The following LPA variants were observed in gnomAD, a reference collection of about 807,000 sequenced individuals.
The protein encoded by LPA is apolipoprotein(a).
In LPA, 199 loss-of-function variants were observed where a neutral mutation model predicts 197.9. The ratio of observed to expected loss-of-function variants is 1.01; its 90% CI spans 0.90 to 1.13. LPA has a LOEUF of 1.13. Among genes scored for constraint, LPA ranks in the 50% most tolerant of loss-of-function variants. The pLI is 0.00. For synonymous variants in LPA, 715 were observed against 639.5 expected, an observed-to-expected ratio of 1.12 and a Z score of -1.78; for missense variants, 1,853 against 1,785.8, an observed-to-expected ratio of 1.04 and a Z score of -0.68.
At chr6:160,576,728 A>AT (rs540460722) in intron 28 of LPA, among the ~76,000 whole-genome samples, 33 of 115,180 alleles carry the variant, frequency 2.9e-4, no homozygotes, top group African/African-American at 4.2e-4. Flanking sequence ...ACACATCTTA[A>AT]TTTTTTTTTT....
chr6:160,540,945 A>G (rs1030312441), intron 35 of LPA, among the ~76,000 whole-genome samples, 162 bp downstream of exon 35: 4 of 152,046 alleles, frequency 2.6e-5, no homozygotes, highest in Non-Finnish European at 4.4e-5. Context: ...ATTCTGCCTC[A>G]GGATTCTGCA....
intron 26 of LPA, among the ~76,000 whole-genome samples, chr6:160,582,277 T>A (rs886972371): frequency 2.0e-5 from 3 of 151,968 alleles, no homozygotes; most frequent in African/African-American, 7.2e-5. Context: ...TTCTTACTAC[T>A]CTAAAGGTGT....
chr6:160,545,753 GT>G (rs1778059156), intron 32 of LPA, among the ~76,000 whole-genome samples: 1 of 152,082 alleles, frequency 6.6e-6, no homozygotes, highest in South Asian at 2.1e-4. Flanking sequence ...CTTAACCAGG[GT>G]GTGGTGACCC....
At chr6:160,569,510 A>G (rs1351648165) in intron 28 of LPA, among the ~76,000 whole-genome samples, 2 of 152,220 alleles carry the variant, frequency 1.3e-5, no homozygotes, top group Non-Finnish European at 2.9e-5. Flanking sequence ...TAAATGTTAG[A>G]CCTAAAACCA....
At chr6:160,589,769 G>T in intron 23 of LPA, 57 bp from the exon 24 acceptor site, 2 of 1,596,666 alleles carry the variant, frequency 1.3e-6, no homozygotes, top group Non-Finnish European at 8.6e-7. Flanking sequence ...AGAAGCATGA[G>T]AAAAAAAATC....
chr6:160,578,790 G>A (rs1203707678), intron 26 of LPA, 86 bp from the exon 27 acceptor site: 3 of 1,580,558 alleles, frequency 1.9e-6, no homozygotes, highest in South Asian at 1.1e-5. Context: ...CTGTAACAAA[G>A]TGTTAACAAG....
chr6:160,590,805 A>G, intron 23 of LPA, 139 bp downstream of exon 23: 1 of 1,196,544 alleles, frequency 8.4e-7, no homozygotes, highest in South Asian at 1.3e-5. Context: ...GAAGGCGCTG[A>G]GGCTTCCTTC....
intron 16 of LPA, among the ~76,000 whole-genome samples, chr6:160,609,153 C>G (rs1425939877): frequency 6.6e-6 from 1 of 152,006 alleles, no homozygotes; most frequent in African/African-American, 2.4e-5. Flanking sequence ...TTCTATTCTT[C>G]TTATACCTAA....
At chr6:160,647,262 A>T (rs1006559181) in intron 2 of LPA, among the ~76,000 whole-genome samples, 3 of 152,184 alleles carry the variant, frequency 2.0e-5, no homozygotes, top group African/African-American at 7.2e-5. Context: ...GAGGAGCAAA[A>T]AACAATGAAT....
chr6:160,571,739 C>CTG (rs1778565631), intron 28 of LPA, among the ~76,000 whole-genome samples: 1 of 152,224 alleles, frequency 6.6e-6, no homozygotes, highest in Non-Finnish European at 1.5e-5. Flanking sequence ...CAAGCTTGAG[C>CTG]GTCCCAGGTC....
rs1303472603 is a variant in LPA at position 160,634,876 on chromosome 6, G to A, written c.1075+247C>T. ...ACTGAGATAGCCCATTTTAGAAGGA[G>A]GTGAGTTGTGAAGCCCATCACCCTG... On this transcript the variant is annotated intron_variant, in intron 7 of 38. Coordinates refer to ENST00000316300, the MANE Select transcript of LPA (RefSeq NM_005577.4). Among the ~76,000 whole-genome samples the A allele has an allele frequency of 4.7e-5, 7 of 150,142 alleles. 2 individuals carry two copies. Among genetic ancestry groups the A allele is most frequent in the African/African-American group, 1.8e-4 (7 of 39,476 alleles).
chr6:160,610,140 T>C (rs9355813), intron 16 of LPA, among the ~76,000 whole-genome samples: 60,617 of 151,798 alleles, frequency 0.4, 12,454 homozygotes, highest in African/African-American at 0.49. Flanking sequence ...TGATTTATTT[T>C]CTGGTCATGG....
chr6:160,589,227 G>C (rs1778975297), intron 24 of LPA, among the ~76,000 whole-genome samples: 1 of 152,204 alleles, frequency 6.6e-6, no homozygotes, highest in Admixed American at 6.5e-5. Context: ...GAATTCCCTG[G>C]TTGAACTATT....
intron 1 of LPA, among the ~76,000 whole-genome samples, chr6:160,656,277 T>C (rs573227424): frequency 6.6e-6 from 1 of 152,312 alleles, no homozygotes; most frequent in Admixed American, 6.5e-5. Context: ...GATTTTTTTA[T>C]TTTTCTAGGT....
At position 160,591,029 on chromosome 6, in the gene LPA, A is replaced by G. The variant is rs920482349; in HGVS notation, c.3702T>C (p.Asn1234=). ...TCAGGTTGCAGTACTCCCATCTGAC[A>G]TTGGGATCCATGGTATAACACCAAG... ...ISPWCYTMDP[N]VRWEYCNLTQ... Residue 1234 remains asparagine (N), a synonymous_variant, in exon 23 of 39, where the codon AAT becomes AAC. Coordinates refer to ENST00000316300, the MANE Select transcript of LPA (RefSeq NM_005577.4). The G allele has an allele frequency of 3.7e-6, 6 of 1,613,838 alleles. No homozygotes were observed. In the African/African-American group the frequency reaches 5.3e-5, roughly 14 times the overall value.
At position 160,590,658 on chromosome 6, in the gene LPA, A is replaced by G. The variant is rs1779007533; in HGVS notation, c.3787+286T>C. Among the ~76,000 whole-genome samples the G allele has an allele frequency of 2.0e-5, 3 of 152,288 alleles. No homozygotes were observed. The South Asian group carries it at 6.2e-4, about 32-fold the overall frequency. On this transcript the variant is annotated intron_variant, in intron 23 of 38. Transcript: ENST00000316300. Reference sequence around the variant, plus strand: ...AATTTGGCAGGATGTTAGAATATCCATTTTCACTAGGACACTGAAATAATC... The same window carrying G: ...AATTTGGCAGGATGTTAGAATATCCGTTTTCACTAGGACACTGAAATAATC...
At chr6:160,592,051 T>G (rs1184055195) in intron 22 of LPA, among the ~76,000 whole-genome samples, 1 of 152,204 alleles carries the variant, frequency 6.6e-6, no homozygotes, top group African/African-American at 2.4e-5. Context: ...GACTATGAAT[T>G]TCTCATTTTC....
At chr6:160,543,387 G>A (rs1778015794) in intron 33 of LPA, among the ~76,000 whole-genome samples, 1 of 152,022 alleles carries the variant, frequency 6.6e-6, no homozygotes. Context: ...ATGCTTCTCT[G>A]TTGTCTCCAG....
At chr6:160,532,442 TC>T (rs1777821598) in intron 38 of LPA, 88 bp downstream of exon 38, 1 of 1,023,764 alleles carries the variant, frequency 9.8e-7, no homozygotes, top group Admixed American at 1.7e-5. Flanking sequence ...GACAAAACCT[TC>T]CTGAATTTGC....
Sources: allele counts gnomAD v4.1 joint callset (sites outside exome capture counted in the v4.1 genomes callset), GRCh38; gene constraint gnomAD v4.1.1; transcripts MANE v1.5; gene names NCBI Gene and HGNC (gene_info 2026-07-23, HGNC 2026-07-21).